Variants in TBC1D2B observed in about 807,000 individuals in gnomAD.
The protein encoded by TBC1D2B is TBC1 domain family member 2B, also known as TBC1 domain family, member 2B.
TBC1D2B carries 64 observed loss-of-function variants against 100.8 expected under a neutral mutation model. That is an observed-to-expected ratio of 0.64 (90% CI 0.52 to 0.78). TBC1D2B has a LOEUF of 0.78. Among genes scored for constraint, TBC1D2B ranks in the 30% least tolerant of loss-of-function variants. The pLI is 0.00. For missense variants in TBC1D2B, 1,052 were observed against 1,218.4 expected, an observed-to-expected ratio of 0.86 and a Z score of 2.03; for synonymous variants, 480 against 479.7, an observed-to-expected ratio of 1.00 and a Z score of -0.01.
intron 9 of TBC1D2B, among the ~76,000 whole-genome samples, chr15:78,012,513 C>T (rs956138576): frequency 6.6e-6 from 1 of 152,210 alleles, no homozygotes; most frequent in African/African-American, 2.4e-5. Flanking sequence ...CCATGCATTA[C>T]AAACTAATAA....
At chr15:78,035,764 A>C (rs2141735949) in intron 3 of TBC1D2B, among the ~76,000 whole-genome samples, 1 of 152,378 alleles carries the variant, frequency 6.6e-6, no homozygotes. Flanking sequence ...ATGACAGAAA[A>C]GTAGAAACAA....
intron 2 of TBC1D2B, among the ~76,000 whole-genome samples, chr15:78,046,739 T>A (rs1471452968): frequency 6.6e-6 from 1 of 152,198 alleles, no homozygotes; most frequent in Admixed American, 6.5e-5. Context: ...CCCAAAGTGC[T>A]GGGAATACAG....
chr15:78,066,275 C>G (rs544793459), intron 1 of TBC1D2B, among the ~76,000 whole-genome samples: 2 of 152,306 alleles, frequency 1.3e-5, no homozygotes, highest in Non-Finnish European at 2.9e-5. Flanking sequence ...CTATAAACCA[C>G]AGAGAGTCAA....
chr15:78,009,808 A>G (rs916974440), intron 9 of TBC1D2B, among the ~76,000 whole-genome samples: 21 of 152,156 alleles, frequency 1.4e-4, no homozygotes, highest in Admixed American at 7.8e-4. Context: ...CCCTGTCTCT[A>G]CTAAAGATAC....
intron 10 of TBC1D2B, among the ~76,000 whole-genome samples, chr15:78,004,455 A>G (rs578150738): frequency 6.3e-4 from 96 of 152,324 alleles, no homozygotes; most frequent in Non-Finnish European, 8.1e-4. Flanking sequence ...AGCTGGCCAC[A>G]GACACCCCTG....
Position 78,013,137 on chromosome 15 carries a change from A to G in TBC1D2B, c.1956T>C (p.Ser652=), listed in dbSNP as rs866980960. The stretch of plus-strand genomic sequence containing the variant: ...CACGGATGAGGTTTTTTAACTCTGG[A>G]GAGCACATCATCTCCCTGTTCACTG... ...ASTVNREMMC[S]PELKNLIRAG... The change falls in exon 9 of 13, where the codon TCT becomes TCC. Residue 652 remains serine (S), a synonymous_variant. Coordinates refer to ENST00000300584, the MANE Select transcript of TBC1D2B (RefSeq NM_144572.2). 1.2e-5 allele frequency: 20 copies of G among 1,613,976 alleles called. No homozygotes were observed. In the Middle Eastern group the frequency reaches 3.0e-3, roughly 240 times the overall value.
At chr15:78,043,887 G>T (rs1047318339) in intron 3 of TBC1D2B, among the ~76,000 whole-genome samples, 4 of 152,016 alleles carry the variant, frequency 2.6e-5, no homozygotes, top group Admixed American at 1.3e-4. Context: ...TAAAATATTA[G>T]CCGGGCATGG....
chr15:78,075,496 G>A (rs148401791), intron 1 of TBC1D2B, among the ~76,000 whole-genome samples: 3 of 152,064 alleles, frequency 2.0e-5, no homozygotes, highest in African/African-American at 7.2e-5. Flanking sequence ...TTATTTTAAT[G>A]AAAAAAACTG....
chr15:78,002,288 G>A (rs967600771), intron 11 of TBC1D2B, among the ~76,000 whole-genome samples: 5 of 152,118 alleles, frequency 3.3e-5, no homozygotes, highest in African/African-American at 9.7e-5. Flanking sequence ...AGGTTCAAGT[G>A]ATTCTCCTGC....
In TBC1D2B at chr15:77,997,190, T is replaced by C. The variant is rs1487741101; in HGVS notation, c.*970A>G. 6.6e-6 allele frequency: 1 copy of C among 152,332 alleles called. No individual in the cohort carries two copies. Among genetic ancestry groups the C allele is most frequent in the East Asian group, 1.9e-4 (1 of 5,200 alleles). The allele number at this position is 152,332 out of a possible 1,614,324, so 9.4% of individuals were successfully genotyped here. The stretch of plus-strand genomic sequence containing the variant: ...GCCATCCCCAAGGAGGCCATGGTTT[T>C]CAGCTGTCCAAGAGCGTTCACGCTG... On this transcript the variant is annotated 3_prime_UTR_variant, in exon 13 of 13. Transcript: ENST00000300584.
chr15:78,056,693 T>C (rs1018638672), intron 1 of TBC1D2B, among the ~76,000 whole-genome samples: 2 of 14,116 alleles, frequency 1.4e-4, no homozygotes, highest in Non-Finnish European at 4.2e-4. Flanking sequence ...CCTCTTTTTT[T>C]TTTTTTTTTT....
intron 5 of TBC1D2B, 28 bp downstream of exon 5, chr15:78,025,231 T>C: frequency 6.3e-7 from 1 of 1,599,610 alleles, no homozygotes; most frequent in Non-Finnish European, 8.6e-7. Context: ...TGAGGTGGGG[T>C]AAGACAGAAG....
At chr15:78,066,076 A>G (rs1357337014) in intron 1 of TBC1D2B, 1 of 471,032 alleles carries the variant, frequency 2.1e-6, no homozygotes, top group South Asian at 1.5e-5. Flanking sequence ...AGAAATACCG[A>G]AAGATGCCAA....
intron 8 of TBC1D2B, among the ~76,000 whole-genome samples, chr15:78,016,147 C>A (rs142340186): frequency 3.9e-5 from 6 of 152,172 alleles, no homozygotes; most frequent in African/African-American, 1.2e-4. Context: ...AGTGCTTTCC[C>A]CAAAAATATA....
At chr15:78,071,854 TAAAC>T (rs1417462794) in intron 1 of TBC1D2B, among the ~76,000 whole-genome samples, 2 of 152,300 alleles carry the variant, frequency 1.3e-5, no homozygotes, top group East Asian at 3.9e-4. Flanking sequence ...CTAAGTGGCT[TAAAC>T]AACAGAAATT....
chr15:78,061,221 G>A (rs1432666501), intron 1 of TBC1D2B, among the ~76,000 whole-genome samples: 1 of 150,484 alleles, frequency 6.6e-6, no homozygotes, highest in Non-Finnish European at 1.5e-5. Flanking sequence ...TCCAACCTAG[G>A]CAACAAGAGC....
intron 1 of TBC1D2B, chr15:78,065,951 G>C (rs753226992): frequency 1.4e-4 from 64 of 465,352 alleles, no homozygotes; most frequent in Non-Finnish European, 2.6e-4. Context: ...TGTCTCAGGA[G>C]TATCAGATGG....
intron 3 of TBC1D2B, among the ~76,000 whole-genome samples, chr15:78,040,880 A>AAGAAAGAAAGAAAGAAAGAAAGAG (rs1275983230): frequency 3.2e-4 from 47 of 147,950 alleles, no homozygotes; most frequent in Middle Eastern, 6.8e-3. Flanking sequence ...GAAAGAAAGA[A>AAGAAAGAAAGAAAGAAAGAAAGAG]AGAGAGAGAG....
chr15:78,002,966 CCTG>C (rs2071955529), intron 11 of TBC1D2B: 1 of 217,124 alleles, frequency 4.6e-6, no homozygotes, highest in Non-Finnish European at 9.5e-6. Flanking sequence ...CCCCTAATCC[CCTG>C]CTTATTAGAT....
Sources: allele counts gnomAD v4.1 joint callset (sites outside exome capture counted in the v4.1 genomes callset), GRCh38; gene constraint gnomAD v4.1.1; transcripts MANE v1.5; gene names NCBI Gene and HGNC (gene_info 2026-07-23, HGNC 2026-07-21).